ZFHX3: variants seen among roughly 807,000 people sequenced by gnomAD.
ZFHX3 encodes zinc finger homeobox protein 3.
Under a neutral mutation model 279.1 loss-of-function variants are expected in ZFHX3, and 42 were observed. That is an observed-to-expected ratio of 0.15 (90% CI 0.12 to 0.19). The LOEUF (loss-of-function observed/expected upper bound fraction) is 0.19. ZFHX3 is among the 10% of genes least tolerant of loss of function. The pLI is 1.00. For synonymous variants in ZFHX3, 2,293 were observed against 1,957.8 expected (o/e 1.17, Z -4.52); for missense variants, 4,981 against 4,754.0 (o/e 1.05, Z -1.40).
chr16:73,881,678 ATG>A (rs72397861), intron 1 of ZFHX3, among the ~76,000 whole-genome samples: 16,627 of 151,130 alleles, frequency 0.11, 970 homozygotes, highest in Middle Eastern at 0.17. Context: ...TTGGTGCTAT[ATG>A]TGTGTGTGTG....
chr16:72,885,777 G>T (rs1220443398), intron 4 of ZFHX3, among the ~76,000 whole-genome samples: 1 of 152,194 alleles, frequency 6.6e-6, no homozygotes, highest in East Asian at 1.9e-4. Context: ...GAGAAGGAAT[G>T]TCATCACTTA....
At chr16:73,401,620 A>G (rs1377994495) in intron 3 of ZFHX3, 1 of 152,202 alleles carries the variant, frequency 6.6e-6, no homozygotes, top group Non-Finnish European at 1.5e-5. Context: ...CACAAAGCCC[A>G]GCCCTGTCCC....
At chr16:73,105,574 A>G (rs1445916388) in intron 7 of ZFHX3, among the ~76,000 whole-genome samples, 1 of 151,686 alleles carries the variant, frequency 6.6e-6, no homozygotes, top group Non-Finnish European at 1.5e-5. Flanking sequence ...CCAACATGGC[A>G]AAACCCCATC....
At chr16:73,195,505 G>A (rs148265668) in intron 5 of ZFHX3, among the ~76,000 whole-genome samples, 1,600 of 140,998 alleles carry the variant, frequency 0.011, 29 homozygotes, top group African/African-American at 0.041. Flanking sequence ...TACAACCTCC[G>A]CCACCTGGGT....
At chr16:73,226,649 A>G (rs1456509842) in intron 5 of ZFHX3, among the ~76,000 whole-genome samples, 10 of 152,228 alleles carry the variant, frequency 6.6e-5, no homozygotes, top group Admixed American at 5.2e-4. Flanking sequence ...GTTATGGATC[A>G]GTGTTCTTAC....
chr16:73,328,298 C>T (rs1597286267), intron 3 of ZFHX3, among the ~76,000 whole-genome samples: 1 of 152,044 alleles, frequency 6.6e-6, no homozygotes, highest in South Asian at 2.1e-4. Context: ...CCTTAAATAC[C>T]TATTGCTGTA....
At chr16:73,297,075 C>T (rs1029944440) in intron 4 of ZFHX3, among the ~76,000 whole-genome samples, 1 of 151,692 alleles carries the variant, frequency 6.6e-6, no homozygotes, top group Non-Finnish European at 1.5e-5. Flanking sequence ...GACAGGGTTT[C>T]ACCGTGTTAG....
At chr16:73,758,912 A>C (rs980855276) in intron 1 of ZFHX3, among the ~76,000 whole-genome samples, 3 of 152,220 alleles carry the variant, frequency 2.0e-5, no homozygotes, top group Non-Finnish European at 4.4e-5. Flanking sequence ...GGCAGATACT[A>C]TTATCCCCAT....
intron 3 of ZFHX3, among the ~76,000 whole-genome samples, chr16:73,448,685 C>CGTACGTGT: frequency 7.0e-6 from 1 of 142,154 alleles, no homozygotes; most frequent in Middle Eastern, 3.6e-3. Flanking sequence ...TATTTATATA[C>CGTACGTGT]GTGTGTGTGT....
chr16:73,772,110 A>G (rs924704606), intron 1 of ZFHX3, among the ~76,000 whole-genome samples: 1 of 152,130 alleles, frequency 6.6e-6, no homozygotes, highest in African/African-American at 2.4e-5. Context: ...GTGAGGCAGA[A>G]CCATCCAGTT....
At chr16:73,467,859 T>C (rs1052456794) in intron 2 of ZFHX3, among the ~76,000 whole-genome samples, 1 of 152,184 alleles carries the variant, frequency 6.6e-6, no homozygotes, top group Non-Finnish European at 1.5e-5. Context: ...TCCTCAGTGC[T>C]GTCTGTCTAC....
At chr16:73,472,291 C>T (rs945681409) in intron 2 of ZFHX3, among the ~76,000 whole-genome samples, 1 of 147,294 alleles carries the variant, frequency 6.8e-6, no homozygotes, top group African/African-American at 2.5e-5. Flanking sequence ...AAAAAAACAG[C>T]ATATCTAAAG....
At chr16:73,747,108 G>C (rs1472225136) in intron 1 of ZFHX3, among the ~76,000 whole-genome samples, 1 of 152,152 alleles carries the variant, frequency 6.6e-6, no homozygotes, top group East Asian at 1.9e-4. Context: ...ATCTTACAGG[G>C]GTGAGTGCAA....
chr16:72,872,551 G>A (rs1393807124), intron 4 of ZFHX3, among the ~76,000 whole-genome samples: 1 of 152,086 alleles, frequency 6.6e-6, no homozygotes, highest in Non-Finnish European at 1.5e-5. Context: ...TCCGTCTCCC[G>A]GGTTCAAGCA....
At position 73,283,861 on chromosome 16, in the gene ZFHX3, C is replaced by T. The variant is rs1267881490; in HGVS notation, c.-1193-26725G>A. Reference sequence around the variant, plus strand: ...CTACTCCAGGGGCAGAGGCAGGAGGCTCACTTGAGCCCAGGAGTTCGAATT... The same window carrying T: ...CTACTCCAGGGGCAGAGGCAGGAGGTTCACTTGAGCCCAGGAGTTCGAATT... On this transcript the variant is annotated intron_variant, in intron 4 of 17. Transcript: ENST00000641206. 2.6e-5 allele frequency among the ~76,000 whole-genome samples: 4 copies of T among 152,208 alleles called. No individual in the cohort carries two copies. In the East Asian group the frequency reaches 7.7e-4, roughly 29 times the overall value.
intron 3 of ZFHX3, among the ~76,000 whole-genome samples, chr16:72,935,015 C>T (rs1960043426): frequency 6.6e-6 from 1 of 152,172 alleles, no homozygotes; most frequent in Admixed American, 6.5e-5. Context: ...GTAGCACCTG[C>T]AGTAAGGATA....
chr16:73,028,217 G>C (rs546367001), intron 1 of ZFHX3, among the ~76,000 whole-genome samples: 23 of 152,290 alleles, frequency 1.5e-4, no homozygotes, highest in Middle Eastern at 3.4e-3. Context: ...GTTCATGTGG[G>C]AAAACATAAG....
At chr16:73,043,576 T>C (rs956539954) in intron 1 of ZFHX3, among the ~76,000 whole-genome samples, 1 of 152,164 alleles carries the variant, frequency 6.6e-6, no homozygotes, top group Non-Finnish European at 1.5e-5. Context: ...CTTGGGCAAA[T>C]AACTCTCTAG....
At chr16:72,977,871 CT>C (rs549728369) in intron 1 of ZFHX3, among the ~76,000 whole-genome samples, 7 of 148,146 alleles carry the variant, frequency 4.7e-5, no homozygotes, top group Admixed American at 1.3e-4. Flanking sequence ...TTTCTTTTTT[CT>C]TTTTTTTTTG....
Sources: gnomAD v4.1 joint callset for allele counts (sites outside exome capture counted in the v4.1 genomes callset) on GRCh38, gnomAD v4.1.1 for gene constraint, MANE v1.5 for transcripts, NCBI Gene and HGNC (gene_info 2026-07-23, HGNC 2026-07-21) for gene names.